Variants in BEND3 observed in about 807,000 individuals in gnomAD.
BEND3 encodes BEN domain containing 3.
BEND3 carries 13 observed loss-of-function variants against 60.1 expected under a neutral mutation model. That is an observed-to-expected ratio of 0.22 (90% CI 0.14 to 0.34). The LOEUF (loss-of-function observed/expected upper bound fraction) is 0.34. Ranked by LOEUF, BEND3 falls within the 10% of genes least tolerant of loss-of-function variation. BEND3 has a pLI of 1.00. For missense variants in BEND3, 896 were observed against 1,138.1 expected (o/e 0.79, Z 3.06); for synonymous variants, 497 against 491.5 (o/e 1.01, Z -0.15).
chr6:107,105,695 C>T (rs1285423646), intron 1 of BEND3, among the ~76,000 whole-genome samples: 1 of 152,206 alleles, frequency 6.6e-6, no homozygotes, highest in Non-Finnish European at 1.5e-5. Flanking sequence ...AGTACTTGGG[C>T]TTCCTGCAAC....
At chr6:107,097,790 C>T in intron 3 of BEND3, among the ~76,000 whole-genome samples, 1 of 53,360 alleles carries the variant, frequency 1.9e-5, no homozygotes, top group South Asian at 8.9e-4. Context: ...AACTCCGTCT[C>T]AAAAAAAAAA....
intron 3 of BEND3, among the ~76,000 whole-genome samples, chr6:107,080,564 A>G (rs1428389162): frequency 6.6e-6 from 1 of 152,124 alleles, no homozygotes; most frequent in Non-Finnish European, 1.5e-5. Flanking sequence ...GTATAATTTC[A>G]TAAAACAGAT....
chr6:107,065,594 G>A lies in BEND3; in HGVS notation c.*3110C>T, dbSNP rs1175851714. 1 of 152,228 alleles carries A rather than the reference G, an allele frequency of 6.6e-6. No individual in the cohort carries two copies. The highest frequency in any genetic ancestry group is 1.5e-5 in the Non-Finnish European group (1 of 68,062). The allele number at this position is 152,228 out of a possible 1,614,324, so 9.4% of individuals were successfully genotyped here. A position where few individuals can be genotyped will look rare whatever the true frequency, so the allele number is the denominator to read the frequency against. On this transcript the variant is annotated 3_prime_UTR_variant, in exon 4 of 4. Coordinates refer to ENST00000369042, the MANE Select transcript of BEND3 (RefSeq NM_001367314.1). ...GCAAGCTCACGACCTCCACTCGGGA[G>A]TCTCGAGATCCCCTCTTGACTGGGA...
intron 3 of BEND3, among the ~76,000 whole-genome samples, chr6:107,075,699 A>G (rs191039502): frequency 1.3e-5 from 2 of 152,358 alleles, no homozygotes; most frequent in African/African-American, 4.8e-5. Context: ...AGCACATTTA[A>G]AATAGAATTT....
chr6:107,071,176 A>C (rs1162012754), intron 3 of BEND3, among the ~76,000 whole-genome samples: 1 of 152,218 alleles, frequency 6.6e-6, no homozygotes, highest in Non-Finnish European at 1.5e-5. Context: ...GAAAAGACTC[A>C]GGCTGGGCCC....
rs576786158 is a variant in BEND3 at position 107,091,041 on chromosome 6, C to T, written c.240+7510G>A. Among the ~76,000 whole-genome samples, 517 of 151,206 alleles carry T rather than the reference C, an allele frequency of 3.4e-3. 2 individuals carry two copies. The highest frequency in any genetic ancestry group is 6.8e-3 in the Middle Eastern group (2 of 294). ...AGGATAATTGCTTGAACCTGGAAGG[C>T]AGAGGTTATAGTGAGCCAAGATCGC... On this transcript the variant is annotated intron_variant, in intron 3 of 3. Transcript: ENST00000369042.
chr6:107,089,595 AAAGGATTTTT>A (rs2115017589), intron 3 of BEND3, among the ~76,000 whole-genome samples: 1 of 127,112 alleles, frequency 7.9e-6, no homozygotes, highest in African/African-American at 2.7e-5. Context: ...CGAAAAAAAA[AAAGGATTTTT>A]TTTTTTCGAG....
chr6:107,106,653 C>G (rs1037449327), intron 1 of BEND3, among the ~76,000 whole-genome samples: 1 of 152,134 alleles, frequency 6.6e-6, no homozygotes, highest in Non-Finnish European at 1.5e-5. Flanking sequence ...CTCTGTTACC[C>G]AGGCAGAGTG....
In BEND3 at chr6:107,070,999, T is replaced by A. The variant is rs1198370722; in HGVS notation, c.241-49A>T. ...AGAGTGTTAGGTGGGTGCTGTGGTT[T>A]ATGACACTAAACAAGGGTCTGTGTA... On this transcript the variant is annotated intron_variant, in intron 3 of 3. Transcript: ENST00000369042. The surrounding 1 kb of genome is among the most constrained non-coding windows in gnomAD (Gnocchi z 6.9). The A allele has an allele frequency of 3.3e-6, 5 of 1,528,116 alleles. No individual in the cohort carries two copies. The Admixed American group carries it at 8.2e-5, about 25-fold the overall frequency. The allele number at this position is 1,528,116 out of a possible 1,614,324, so 94.7% of individuals were successfully genotyped here.
At chr6:107,092,361 G>A (rs1775495825) in intron 3 of BEND3, among the ~76,000 whole-genome samples, 1 of 151,986 alleles carries the variant, frequency 6.6e-6, no homozygotes, top group Admixed American at 6.6e-5. Flanking sequence ...ACAGCAACAG[G>A]GTAAAGAAGA....
Position 107,068,660 on chromosome 6 carries a change from C to A in BEND3, c.*44G>T, listed in dbSNP as rs1396567434. ...TGCTCAGTCCCAAGGGTGCCCATCGCTCAGCCTCTGGTGACCCCGAATCTC... is the reference window on the plus strand; with the variant it reads ...TGCTCAGTCCCAAGGGTGCCCATCGATCAGCCTCTGGTGACCCCGAATCTC... On this transcript the variant is annotated 3_prime_UTR_variant, in exon 4 of 4. Coordinates refer to ENST00000369042, the MANE Select transcript of BEND3 (RefSeq NM_001367314.1). This position sits in a 1 kb window ranked among gnomAD's most constrained non-coding sequence, Gnocchi z 5.8. 7 of 1,583,878 alleles carry A rather than the reference C, an allele frequency of 4.4e-6. No homozygotes were observed. The highest frequency in any genetic ancestry group is 6.0e-6 in the Non-Finnish European group (7 of 1,165,806).
chr6:107,084,014 G>A (rs181093041), intron 3 of BEND3, among the ~76,000 whole-genome samples: 275 of 152,374 alleles, frequency 1.8e-3, no homozygotes, highest in Middle Eastern at 0.01. Flanking sequence ...GAAGGAGCCT[G>A]AAAGTCAGCA....
rs1249028363 is a variant in BEND3, at chr6:107,115,480, G to A, written c.-402C>T. Among the ~76,000 whole-genome samples, 1 of 147,070 alleles carries A rather than the reference G, an allele frequency of 6.8e-6. No individual in the cohort carries two copies. Among genetic ancestry groups the A allele is most frequent in the Non-Finnish European group, 1.5e-5 (1 of 66,108 alleles). On this transcript the variant is annotated 5_prime_UTR_variant, in exon 1 of 4. Coordinates refer to ENST00000369042, the MANE Select transcript of BEND3 (RefSeq NM_001367314.1). ...CGGGGAGCTCGGGCGCGCACTCCCG[G>A]GACCCAGGCGGCCCGGCGCGCTCGG...
intron 3 of BEND3, among the ~76,000 whole-genome samples, chr6:107,097,568 A>T (rs1296828110): frequency 3.3e-5 from 5 of 152,016 alleles, no homozygotes; most frequent in African/African-American, 1.2e-4. Context: ...AGGCAGGCAG[A>T]TCACCTGAGG....
intron 3 of BEND3, among the ~76,000 whole-genome samples, chr6:107,079,941 G>C (rs1394182764): frequency 6.6e-6 from 1 of 151,440 alleles, no homozygotes; most frequent in Non-Finnish European, 1.5e-5. Context: ...ATGTTGCCCA[G>C]GCTGGTCTTG....
rs1362362261 is a variant in BEND3, at chr6:107,067,986, G to A, written c.*718C>T. The A allele has an allele frequency of 6.6e-6, 1 of 152,176 alleles. No individual in the cohort carries two copies. The highest frequency in any genetic ancestry group is 2.4e-5 in the African/African-American group (1 of 41,434). The allele number at this position is 152,176 out of a possible 1,614,324, so 9.4% of individuals were successfully genotyped here. A position where few individuals can be genotyped will look rare whatever the true frequency, so the allele number is the denominator to read the frequency against. Reference sequence around the variant, plus strand: ...ATCATCCAGTGTTCTCGCCTAAAGAGTGACACAACATTCTACCAACGCGCC... The same window carrying A: ...ATCATCCAGTGTTCTCGCCTAAAGAATGACACAACATTCTACCAACGCGCC... On this transcript the variant is annotated 3_prime_UTR_variant, in exon 4 of 4. Transcript: ENST00000369042.
chr6:107,077,425 C>G (rs1775123432), intron 3 of BEND3, among the ~76,000 whole-genome samples: 1 of 152,072 alleles, frequency 6.6e-6, no homozygotes, highest in South Asian at 2.1e-4. Context: ...CCAGTGGTAC[C>G]CCTCACTAAG....
At chr6:107,104,663 T>C (rs1775776209) in intron 1 of BEND3, among the ~76,000 whole-genome samples, 2 of 151,816 alleles carry the variant, frequency 1.3e-5, no homozygotes, top group Non-Finnish European at 2.9e-5. Context: ...AATTTTTTAC[T>C]GGTTTTTCTT....
At chr6:107,112,564 A>AC (rs1293734958) in intron 1 of BEND3, among the ~76,000 whole-genome samples, 7 of 151,870 alleles carry the variant, frequency 4.6e-5, no homozygotes, top group African/African-American at 1.7e-4. Flanking sequence ...AACAACAACA[A>AC]AAAAAAACGC....
Sources: gnomAD v4.1 joint callset for allele counts (sites outside exome capture counted in the v4.1 genomes callset) on GRCh38, gnomAD v4.1.1 for gene constraint, Gnocchi (gnomAD v3.1) non-coding constraint, MANE v1.5 for transcripts, NCBI Gene and HGNC (gene_info 2026-07-23, HGNC 2026-07-21) for gene names.